Variants in STAB2 observed in about 807,000 individuals in gnomAD.
STAB2 encodes the protein stabilin-2.
A neutral mutation model predicts 338.1 loss-of-function variants in STAB2; 288 were observed. That is an observed-to-expected ratio of 0.85 (90% CI 0.77 to 0.94). The LOEUF is 0.94. STAB2 is among the 40% of genes least tolerant of loss of function. STAB2 has a pLI of 0.00. For synonymous variants in STAB2, 1,202 were observed against 1,193.3 expected, an observed-to-expected ratio of 1.01 and a Z score of -0.15; for missense variants, 3,141 against 3,210.1, an observed-to-expected ratio of 0.98 and a Z score of 0.52.
chr12:103,689,933 G>A lies in STAB2; in HGVS notation c.3133G>A (p.Asp1045Asn). 2 of 1,614,148 alleles carry A rather than the reference G, an allele frequency of 1.2e-6. No homozygotes were observed. Among genetic ancestry groups the A allele is most frequent in the Non-Finnish European group, 1.7e-6 (2 of 1,180,002 alleles). ...SQQATEDMDQDEKSFWLSQSN... is the reference protein window; with the variant it reads ...SQQATEDMDQNEKSFWLSQSN... Reference sequence around the variant, plus strand: ...ACAAGCTACTGAGGACATGGACCAGGATGAGAAAAGCTTCTGGTTGTCACA... The same window carrying A: ...ACAAGCTACTGAGGACATGGACCAGAATGAGAAAAGCTTCTGGTTGTCACA... The change falls in exon 29 of 69, where the codon GAT (aspartate) becomes AAT (asparagine). Residue 1045 changes from aspartate to asparagine, a missense_variant. Transcript: ENST00000388887.
intron 5 of STAB2, among the ~76,000 whole-genome samples, chr12:103,627,901 C>A (rs1957404774): frequency 2.0e-5 from 3 of 152,196 alleles, no homozygotes; most frequent in African/African-American, 7.2e-5. Context: ...ACACTGTGAG[C>A]TCCTGGACTT....
chr12:103,671,212 G>A (rs969858831), intron 22 of STAB2, among the ~76,000 whole-genome samples: 1 of 152,214 alleles, frequency 6.6e-6, no homozygotes, highest in Non-Finnish European at 1.5e-5. Flanking sequence ...AGCACTTTGG[G>A]AGGCTGAGGT....
rs1236518560 is a variant in STAB2, at chr12:103,739,344, A to AGG, written c.5698-68_5698-67insGG. 1.0e-5 allele frequency: 14 copies of AGG among 1,406,268 alleles called. No homozygotes were observed. In the African/African-American group the frequency reaches 2.0e-4, roughly 20 times the overall value. 87.1% of individuals were successfully genotyped at this position (1,406,268 alleles called of 1,614,324 possible). Reference sequence around the variant, plus strand: ...TAAGCCCTTAATCCATCCAGGTATTAATCAGGAACATTTCCTTGTGTTTTC... The same window carrying AGG: ...TAAGCCCTTAATCCATCCAGGTATTAGGATCAGGAACATTTCCTTGTGTTTTC... On this transcript the variant is annotated intron_variant, in intron 53 of 68. Transcript: ENST00000388887.
intron 26 of STAB2, among the ~76,000 whole-genome samples, chr12:103,684,259 A>T (rs1006615463): frequency 6.6e-5 from 10 of 152,178 alleles, no homozygotes; most frequent in African/African-American, 2.2e-4. Context: ...AGAGGAAAGG[A>T]TCTAACTGGC....
chr12:103,669,661 A>C (rs756991020), intron 21 of STAB2, 34 bp downstream of exon 21: 3 of 1,581,814 alleles, frequency 1.9e-6, no homozygotes, highest in Non-Finnish European at 2.6e-6. Flanking sequence ...CATAAGTCAA[A>C]TCAAACAATA....
intron 52 of STAB2, among the ~76,000 whole-genome samples, chr12:103,736,654 A>G (rs1238088382): frequency 6.6e-6 from 1 of 151,920 alleles, no homozygotes; most frequent in African/African-American, 2.4e-5. Context: ...CTGTATAACA[A>G]CCCTATATTA....
chr12:103,676,393 T>A (rs1468958532), intron 24 of STAB2, among the ~76,000 whole-genome samples: 1 of 152,168 alleles, frequency 6.6e-6, no homozygotes, highest in Non-Finnish European at 1.5e-5. Flanking sequence ...CAGTTGATTG[T>A]TTGGGTTTTT....
intron 1 of STAB2, among the ~76,000 whole-genome samples, chr12:103,588,982 G>A (rs1410968434): frequency 6.6e-6 from 1 of 152,108 alleles, no homozygotes; most frequent in Non-Finnish European, 1.5e-5. Flanking sequence ...AAAGAGAAAG[G>A]GCTAATCAAG....
chr12:103,628,008 A>G (rs1256573723), intron 5 of STAB2, among the ~76,000 whole-genome samples: 1 of 152,116 alleles, frequency 6.6e-6, no homozygotes, highest in Non-Finnish European at 1.5e-5. Context: ...ATTGAATTGA[A>G]TCTTCTCCAC....
intron 43 of STAB2, among the ~76,000 whole-genome samples, chr12:103,717,400 T>G (rs1485271137): frequency 2.6e-5 from 4 of 152,140 alleles, no homozygotes; most frequent in Admixed American, 6.5e-5. Flanking sequence ...ATGAGCAAGA[T>G]ATGAGTATGA....
intron 65 of STAB2, 21 bp from the exon 66 acceptor site, chr12:103,761,279 A>G (rs1884517867): frequency 1.2e-6 from 2 of 1,609,980 alleles, no homozygotes; most frequent in South Asian, 1.1e-5. Context: ...AAAGCCATCA[A>G]CCCTCTTCTC....
intron 68 of STAB2, among the ~76,000 whole-genome samples, chr12:103,765,196 A>G (rs1482083535): frequency 6.6e-6 from 1 of 151,936 alleles, no homozygotes; most frequent in African/African-American, 2.4e-5. Flanking sequence ...GCAGAAACAA[A>G]TGCATACATC....
chr12:103,762,863 G>A (rs1884643487), intron 67 of STAB2, among the ~76,000 whole-genome samples: 2 of 152,232 alleles, frequency 1.3e-5, no homozygotes, highest in South Asian at 4.1e-4. Flanking sequence ...TATTTGAACA[G>A]TTGAGTCCAC....
chr12:103,732,292 G>C (rs1165028692), intron 50 of STAB2, among the ~76,000 whole-genome samples: 3 of 152,184 alleles, frequency 2.0e-5, no homozygotes, highest in African/African-American at 7.2e-5. Context: ...CGGGGTGACA[G>C]AGTGAGACTC....
At chr12:103,708,294 T>G in intron 38 of STAB2, 147 bp from the exon 39 acceptor site, 1 of 720,868 alleles carries the variant, frequency 1.4e-6, no homozygotes, top group East Asian at 2.8e-5. Flanking sequence ...CCCCTGCCCT[T>G]TTTGTGATTC....
At chr12:103,644,612 A>G (rs1450413620) in intron 9 of STAB2, among the ~76,000 whole-genome samples, 3 of 152,138 alleles carry the variant, frequency 2.0e-5, no homozygotes, top group African/African-American at 7.2e-5. Context: ...ACTTATCTCA[A>G]TCCCCAACTA....
chr12:103,622,612 A>G (rs1957319507), intron 5 of STAB2, among the ~76,000 whole-genome samples: 1 of 152,246 alleles, frequency 6.6e-6, no homozygotes, highest in Non-Finnish European at 1.5e-5. Context: ...AGTCCTTATC[A>G]AGTCATGATT....
intron 24 of STAB2, 29 bp from the exon 25 acceptor site, chr12:103,677,424 A>G: frequency 6.3e-7 from 1 of 1,590,888 alleles, no homozygotes; most frequent in East Asian, 2.3e-5. Flanking sequence ...GAGGATTCAG[A>G]GGCTTTGCTT....
intron 5 of STAB2, 128 bp downstream of exon 5, chr12:103,622,239 T>A: frequency 1.1e-6 from 1 of 946,162 alleles, no homozygotes; most frequent in Non-Finnish European, 1.6e-6. Flanking sequence ...GAATTAAATT[T>A]AAAGGAGTTT....
Sources: gnomAD v4.1 joint callset for allele counts (sites outside exome capture counted in the v4.1 genomes callset) on GRCh38, gnomAD v4.1.1 for gene constraint, MANE v1.5 for transcripts, NCBI Gene and HGNC (gene_info 2026-07-23, HGNC 2026-07-21) for gene names.